Variants in HSPA12A observed in about 807,000 individuals in gnomAD.
HSPA12A encodes the protein heat shock protein family A (Hsp70) member 12A, also known as heat shock 70 kDa protein 12A.
In HSPA12A, 28 loss-of-function variants were observed where a neutral mutation model predicts 69.2. The ratio of observed to expected loss-of-function variants is 0.40; its 90% CI spans 0.30 to 0.55. HSPA12A has a LOEUF of 0.55. Ranked by LOEUF, HSPA12A falls within the 20% of genes least tolerant of loss-of-function variation. HSPA12A has a pLI of 0.38. For missense variants in HSPA12A, 686 were observed against 900.7 expected, an observed-to-expected ratio of 0.76 and a Z score of 3.05; for synonymous variants, 345 against 370.5, an observed-to-expected ratio of 0.93 and a Z score of 0.79.
chr10:116,795,332 C>T (rs1430348563), intron 2 of HSPA12A, among the ~76,000 whole-genome samples: 1 of 152,114 alleles, frequency 6.6e-6, no homozygotes, highest in African/African-American at 2.4e-5. Context: ...CTACATTTGA[C>T]AGGTAATGTA....
intron 1 of HSPA12A, 138 bp from the exon 2 acceptor site, chr10:116,707,423 C>A (rs1454080543): frequency 3.0e-6 from 2 of 675,050 alleles, no homozygotes; most frequent in African/African-American, 3.6e-5. Flanking sequence ...CAAGGCCCAG[C>A]CCCAGCCAGG....
At chr10:116,712,669 G>C (rs367844296) in intron 1 of HSPA12A, among the ~76,000 whole-genome samples, 1 of 152,072 alleles carries the variant, frequency 6.6e-6, no homozygotes, top group African/African-American at 2.4e-5. Flanking sequence ...GAACTTGCTT[G>C]CTGTTCTCCT....
intron 2 of HSPA12A, among the ~76,000 whole-genome samples, chr10:116,826,520 C>T (rs1845509262): frequency 6.6e-6 from 1 of 152,192 alleles, no homozygotes; most frequent in Non-Finnish European, 1.5e-5. Flanking sequence ...CCCCTGCCTG[C>T]ATGGGAACTG....
At position 116,794,098 on chromosome 10, in the gene HSPA12A, G is replaced by A. The variant is rs528343134; in HGVS notation, c.91+40837C>T. 2.0e-5 allele frequency among the ~76,000 whole-genome samples: 3 copies of A among 152,158 alleles called. No individual in the cohort carries two copies. In the South Asian group the frequency reaches 6.2e-4, roughly 32 times the overall value. Reference sequence around the variant, plus strand: ...GGCGCCTGTAGTCCCAGCTATACTCGGGTGGCTGAGGCAGGAGAATGGCGT... The same window carrying A: ...GGCGCCTGTAGTCCCAGCTATACTCAGGTGGCTGAGGCAGGAGAATGGCGT... On this transcript the variant is annotated intron_variant, in intron 2 of 12. Coordinates refer to the HSPA12A transcript ENST00000635765.
intron 1 of HSPA12A, among the ~76,000 whole-genome samples, chr10:116,841,137 T>A (rs1845795186): frequency 6.6e-6 from 1 of 152,168 alleles, no homozygotes. Context: ...CATACGACCT[T>A]CTCCTAATAC....
chr10:116,697,703 C>T (rs1849952244), intron 5 of HSPA12A, among the ~76,000 whole-genome samples: 2 of 152,174 alleles, frequency 1.3e-5, no homozygotes, highest in African/African-American at 4.8e-5. Context: ...AATTTCCATA[C>T]CATAAAATTC....
At chr10:116,801,753 A>G (rs1007416885) in intron 2 of HSPA12A, among the ~76,000 whole-genome samples, 3 of 152,154 alleles carry the variant, frequency 2.0e-5, no homozygotes, top group African/African-American at 7.2e-5. Flanking sequence ...AGAAAAAAAA[A>G]AGCGCATGTA....
chr10:116,692,585 G>C, intron 5 of HSPA12A, 118 bp from the exon 6 acceptor site: 1 of 752,614 alleles, frequency 1.3e-6, no homozygotes, highest in Non-Finnish European at 2.3e-6. Flanking sequence ...CCAGTTTCAG[G>C]GTCCCCCAAA....
chr10:116,729,044 G>A (rs1218807041), intron 1 of HSPA12A, among the ~76,000 whole-genome samples: 1 of 152,228 alleles, frequency 6.6e-6, no homozygotes, highest in Non-Finnish European at 1.5e-5. Flanking sequence ...AACCTCACTA[G>A]TCCTGGCTCT....
intron 2 of HSPA12A, among the ~76,000 whole-genome samples, chr10:116,798,381 C>A: frequency 6.6e-6 from 1 of 152,260 alleles, no homozygotes; most frequent in South Asian, 2.1e-4. Flanking sequence ...GACAAGTTGG[C>A]CCCCCTGCTG....
chr10:116,698,358 A>G (rs1849976608), intron 5 of HSPA12A: 1 of 319,610 alleles, frequency 3.1e-6, no homozygotes, highest in Non-Finnish European at 5.7e-6. Flanking sequence ...GATTTCTTTC[A>G]TTTCTCCACC....
At chr10:116,778,177 A>G (rs1844383440) in intron 2 of HSPA12A, among the ~76,000 whole-genome samples, 1 of 152,220 alleles carries the variant, frequency 6.6e-6, no homozygotes, top group Non-Finnish European at 1.5e-5. Context: ...ATGCCCTGAC[A>G]CTAGTCCCAA....
chr10:116,814,492 C>T (rs186896212), intron 2 of HSPA12A, among the ~76,000 whole-genome samples: 39 of 152,288 alleles, frequency 2.6e-4, no homozygotes, highest in Middle Eastern at 3.4e-3. Flanking sequence ...GAACTTTTTC[C>T]CCCATGGGAC....
Position 116,800,887 on chromosome 10 carries a change from A to T in HSPA12A, c.91+34048T>A, listed in dbSNP as rs181799139. ...TTGAAAAATTCTCATTTCTCTCCTG[A>T]TGCACAGAACTGCAGCCGGGGGTGC... On this transcript the variant is annotated intron_variant, in intron 2 of 12. Transcript: ENST00000635765. 3.3e-5 allele frequency among the ~76,000 whole-genome samples: 5 copies of T among 152,308 alleles called. No homozygotes were observed. In the East Asian group the frequency reaches 7.7e-4, roughly 24 times the overall value.
intron 4 of HSPA12A, 100 bp from the exon 5 acceptor site, chr10:116,698,839 A>G: frequency 1.1e-6 from 1 of 903,612 alleles, no homozygotes; most frequent in East Asian, 2.4e-5. Flanking sequence ...GATCCTGGTG[A>G]GCCATGTCTG....
chr10:116,754,816 C>T (rs1337264153), intron 2 of HSPA12A, among the ~76,000 whole-genome samples: 1 of 152,182 alleles, frequency 6.6e-6, no homozygotes, highest in Non-Finnish European at 1.5e-5. Context: ...AGAGTCTATA[C>T]TTTCATACAT....
chr10:116,702,502 G>A (rs1850110249), intron 3 of HSPA12A, among the ~76,000 whole-genome samples: 1 of 152,112 alleles, frequency 6.6e-6, no homozygotes, highest in East Asian at 1.9e-4. Flanking sequence ...TGCTCAAATG[G>A]GTCTGGAATC....
chr10:116,752,257 C>T (rs1851792757), intron 2 of HSPA12A, among the ~76,000 whole-genome samples: 1 of 152,192 alleles, frequency 6.6e-6, no homozygotes, highest in Admixed American at 6.5e-5. Context: ...GCCTGGAGGT[C>T]AAGTAAGTGC....
chr10:116,690,591 T>TTATG (rs1339537417), intron 6 of HSPA12A, among the ~76,000 whole-genome samples: 3 of 152,150 alleles, frequency 2.0e-5, no homozygotes, highest in African/African-American at 7.2e-5. Context: ...ATTCCCCACA[T>TTATG]TCATAAACAC....
Sources: gnomAD v4.1 joint callset for allele counts (sites outside exome capture counted in the v4.1 genomes callset) on GRCh38, gnomAD v4.1.1 for gene constraint, MANE v1.5 for transcripts, NCBI Gene and HGNC (gene_info 2026-07-23, HGNC 2026-07-21) for gene names.